The following GPHN variants were observed in gnomAD, a reference collection of about 807,000 sequenced individuals.
The protein encoded by GPHN is gephyrin.
A neutral mutation model predicts 95.5 loss-of-function variants in GPHN; 17 were observed. That is an observed-to-expected ratio of 0.18 (90% CI 0.12 to 0.27). The LOEUF (loss-of-function observed/expected upper bound fraction) is 0.27, where lower values mean the gene tolerates loss of function less well. Among genes scored for constraint, GPHN ranks in the 10% least tolerant of loss-of-function variants. The pLI is 1.00. For missense variants in GPHN, 660 were observed against 978.1 expected, an observed-to-expected ratio of 0.67 and a Z score of 4.34; for synonymous variants, 320 against 322.5, an observed-to-expected ratio of 0.99 and a Z score of 0.08.
chr14:67,657,437 T>C, the GPHN span, among the ~76,000 whole-genome samples: 1 of 152,180 alleles, frequency 6.6e-6, no homozygotes, highest in African/African-American at 2.4e-5. Context: ...ATTTCTCAAC[T>C]GCCCTAATTT....
At position 66,592,489 on chromosome 14, in the gene GPHN, G is replaced by A. The variant is rs568788929; in HGVS notation, c.64+83898G>A. 9.4e-4 allele frequency among the ~76,000 whole-genome samples: 141 copies of A among 149,568 alleles called. 1 individual carries two copies. The highest frequency in any genetic ancestry group is 1.7e-3 in the Non-Finnish European group (118 of 67,628). ...AAAAAAACCCCGTCAAGAAGTGGGC[G>A]AAGGATAGAACAGATATTTCCCAGA... On this transcript the variant is annotated intron_variant, in intron 1 of 22. Transcript: ENST00000478722.
chr14:67,211,869 A>G, the GPHN span, among the ~76,000 whole-genome samples: 7 of 152,202 alleles, frequency 4.6e-5, no homozygotes, highest in Non-Finnish European at 8.8e-5. Context: ...CTTATCATTT[A>G]TTATATATTG....
chr14:67,027,051 G>C (rs2073961627), intron 10 of GPHN, among the ~76,000 whole-genome samples: 1 of 152,176 alleles, frequency 6.6e-6, no homozygotes, highest in Non-Finnish European at 1.5e-5. Context: ...GGTAAGAATA[G>C]AAATTGATAG....
intron 11 of GPHN, among the ~76,000 whole-genome samples, chr14:67,062,024 A>G (rs1221501837): frequency 6.6e-6 from 1 of 152,190 alleles, no homozygotes; most frequent in African/African-American, 2.4e-5. Context: ...GTTTTGTAAG[A>G]CAACTGACTG....
chr14:66,551,673 A>C (rs972228581), intron 1 of GPHN, among the ~76,000 whole-genome samples: 21 of 152,184 alleles, frequency 1.4e-4, no homozygotes, highest in African/African-American at 4.6e-4. Flanking sequence ...TCAGTGCTCC[A>C]CAGGCTGTAC....
At chr14:67,053,109 G>C (rs2075380908) in intron 10 of GPHN, among the ~76,000 whole-genome samples, 1 of 143,982 alleles carries the variant, frequency 6.9e-6, no homozygotes, top group African/African-American at 2.6e-5. Context: ...CAAGATCAGA[G>C]CAGAACTGAA....
intron 18 of GPHN, among the ~76,000 whole-genome samples, chr14:67,148,188 C>A (rs1465779737): frequency 6.6e-6 from 1 of 152,054 alleles, no homozygotes; most frequent in East Asian, 1.9e-4. Context: ...AAATAAGGAA[C>A]CTTTGTTCTT....
intron 1 of GPHN, among the ~76,000 whole-genome samples, chr14:66,630,304 G>A (rs1312253036): frequency 6.6e-6 from 1 of 152,100 alleles, no homozygotes; most frequent in Non-Finnish European, 1.5e-5. Context: ...GGCAGGTAAT[G>A]TTGTTGAGAT....
the GPHN span, among the ~76,000 whole-genome samples, chr14:67,601,075 A>G: frequency 1.1e-3 from 162 of 152,284 alleles, no homozygotes; most frequent in Non-Finnish European, 2.0e-3. Context: ...CTAGTAGGAG[A>G]CAATATGGAA....
intron 5 of GPHN, among the ~76,000 whole-genome samples, chr14:66,902,679 G>T (rs759203445): frequency 9.9e-5 from 15 of 152,024 alleles, no homozygotes; most frequent in Non-Finnish European, 1.8e-4. Context: ...TTATTGATTT[G>T]CATATGTTGA....
At chr14:67,694,399 T>C in the GPHN span, among the ~76,000 whole-genome samples, 1 of 150,968 alleles carries the variant, frequency 6.6e-6, no homozygotes, top group Non-Finnish European at 1.5e-5. Flanking sequence ...CCGACTCCCA[T>C]AACCCTGCTG....
intron 1 of GPHN, among the ~76,000 whole-genome samples, chr14:66,628,804 A>G (rs924022074): frequency 3.9e-5 from 6 of 151,950 alleles, no homozygotes; most frequent in Non-Finnish European, 7.4e-5. Flanking sequence ...TCACAGCTGC[A>G]ATCCCAGTGC....
chr14:67,009,861 C>T (rs1011668304), intron 9 of GPHN, among the ~76,000 whole-genome samples: 6 of 151,870 alleles, frequency 4.0e-5, no homozygotes, highest in Non-Finnish European at 7.4e-5. Context: ...CAGGTTCAAG[C>T]GATTCTCCTG....
At chr14:66,820,289 A>G (rs1306101242) in intron 3 of GPHN, among the ~76,000 whole-genome samples, 1 of 152,176 alleles carries the variant, frequency 6.6e-6, no homozygotes, top group Non-Finnish European at 1.5e-5. Context: ...GTAGGAAGAA[A>G]AACAAAAAGT....
chr14:67,287,288 G>A, the GPHN span, among the ~76,000 whole-genome samples: 1 of 148,982 alleles, frequency 6.7e-6, no homozygotes, highest in African/African-American at 2.5e-5. Context: ...GGCAAAATAG[G>A]TCTTTTACAT....
At chr14:67,310,046 G>C in the GPHN span, among the ~76,000 whole-genome samples, 2 of 149,262 alleles carry the variant, frequency 1.3e-5, no homozygotes, top group Admixed American at 1.3e-4. Context: ...ATTATTGATA[G>C]GATGGTGCTC....
chr14:67,254,698 TC>T, the GPHN span, among the ~76,000 whole-genome samples: 2 of 152,366 alleles, frequency 1.3e-5, no homozygotes, highest in Non-Finnish European at 2.9e-5. Context: ...TGGTATTTCT[TC>T]AGTGACAAGC....
the GPHN span, chr14:67,735,071 A>T: frequency 1.4e-6 from 1 of 705,032 alleles, no homozygotes; most frequent in Non-Finnish European, 2.6e-6. Context: ...ACAGCAAATG[A>T]CACCAAATAT....
At chr14:67,403,411 T>C in the GPHN span, among the ~76,000 whole-genome samples, 1 of 152,208 alleles carries the variant, frequency 6.6e-6, no homozygotes, top group Non-Finnish European at 1.5e-5. Context: ...AATAGAAACA[T>C]CTTCAAACAG....
Sources: gnomAD v4.1 joint callset for allele counts (sites outside exome capture counted in the v4.1 genomes callset) on GRCh38, gnomAD v4.1.1 for gene constraint, MANE v1.5 for transcripts, NCBI Gene and HGNC (gene_info 2026-07-23, HGNC 2026-07-21) for gene names.